CDH15: variants seen among roughly 807,000 people sequenced by gnomAD.
CDH15 encodes the protein cadherin 15, also known as cadherin-15.
Under a neutral mutation model 69.4 loss-of-function variants are expected in CDH15, and 73 were observed. That is an observed-to-expected ratio of 1.05 (90% CI 0.87 to 1.28). The LOEUF (loss-of-function observed/expected upper bound fraction) is 1.28, where lower values mean the gene tolerates loss of function less well. Ranked by LOEUF, CDH15 falls within the 50% of genes most tolerant of loss-of-function variation. The probability of loss-of-function intolerance (pLI) is 0.00; values close to 1 mark genes in which losing one functional copy is unlikely to be tolerated. For missense variants in CDH15, 1,343 were observed against 1,133.6 expected, an observed-to-expected ratio of 1.18 and a Z score of -2.65; for synonymous variants, 624 against 507.7, an observed-to-expected ratio of 1.23 and a Z score of -3.08.
intron 2 of CDH15, among the ~76,000 whole-genome samples, chr16:89,179,932 C>T (rs746640472): frequency 2.0e-5 from 3 of 152,224 alleles, no homozygotes; most frequent in Non-Finnish European, 4.4e-5. Flanking sequence ...CTCAGCTTCA[C>T]ATACCCAAAA....
intron 2 of CDH15, 25 bp from the exon 3 acceptor site, chr16:89,180,175 C>A (rs1453929730): frequency 6.2e-7 from 1 of 1,609,400 alleles, no homozygotes. Flanking sequence ...AGCAGCTCTC[C>A]CCAAACCCAT....
chr16:89,176,691 G>A (rs992948550), intron 1 of CDH15, among the ~76,000 whole-genome samples: 2 of 150,038 alleles, frequency 1.3e-5, no homozygotes, highest in African/African-American at 5.1e-5. Context: ...AAGGAGCTCA[G>A]GAGCAGGCCG....
Position 89,179,526 on chromosome 16 carries a change from G to A in CDH15, c.153G>A (p.Pro51=), listed in dbSNP as rs76549400. ...SRVRRAWVIP[P]ISVSENHKRL... ...TGCGGAGGGCCTGGGTCATCCCCCC[G>A]ATCAGCGTATCCGAGAACCACAAGC... Residue 51 remains proline, a synonymous_variant, in exon 2 of 14, where the codon CCG becomes CCA. Coordinates refer to ENST00000289746, the MANE Select transcript of CDH15 (RefSeq NM_004933.3). 3.3e-3 allele frequency: 5,260 copies of A among 1,612,142 alleles called. 150 individuals carry two copies. In the African/African-American group the frequency reaches 0.061, roughly 19 times the overall value.
chr16:89,173,845 G>C (rs918203295), intron 1 of CDH15, among the ~76,000 whole-genome samples: 3 of 152,210 alleles, frequency 2.0e-5, no homozygotes, highest in Non-Finnish European at 4.4e-5. Flanking sequence ...ACCATCCCTA[G>C]TTGCTGGTTC....
intron 8 of CDH15, 130 bp from the exon 9 acceptor site, chr16:89,191,200 A>C (rs1915632129): frequency 9.9e-7 from 1 of 1,006,744 alleles, no homozygotes; most frequent in East Asian, 2.5e-5. Flanking sequence ...TGTTGTGTGC[A>C]TGTGTGCATG....
intron 6 of CDH15, 121 bp from the exon 7 acceptor site, chr16:89,187,979 G>C (rs1165316613): frequency 2.3e-6 from 2 of 873,854 alleles, no homozygotes; most frequent in Non-Finnish European, 3.5e-6. Context: ...GCAAGGGAGG[G>C]TGTTCCTGCT....
At chr16:89,188,465 G>C (rs1313994960) in intron 7 of CDH15, among the ~76,000 whole-genome samples, 180 bp downstream of exon 7, 14 of 127,696 alleles carry the variant, frequency 1.1e-4, no homozygotes, top group South Asian at 2.7e-4. Flanking sequence ...GGCACACACA[G>C]ATGCCCACAC....
At chr16:89,175,906 G>C (rs868707454) in intron 1 of CDH15, among the ~76,000 whole-genome samples, 5 of 152,264 alleles carry the variant, frequency 3.3e-5, no homozygotes, top group African/African-American at 1.2e-4. Flanking sequence ...CGAGGACCAA[G>C]AACCCCAGGG....
At chr16:89,178,706 T>C (rs953573266) in intron 1 of CDH15, among the ~76,000 whole-genome samples, 2 of 152,182 alleles carry the variant, frequency 1.3e-5, no homozygotes, top group Non-Finnish European at 1.5e-5. Context: ...CACAGTCCAG[T>C]TGGGGGCCGC....
In CDH15 at chr16:89,191,789, G is replaced by A. The variant is rs1915649248; in HGVS notation, c.1510G>A (p.Gly504Ser). ...ACACCAAGGCCCAGGCCTCCTCCTG[G>A]GCGCCACGGATGAGGACCTGCCCCC... ...EPHQGPGLLL[G>S]ATDEDLPPHG... The change falls in exon 10 of 14, where the codon GGC becomes AGC. Residue 504 changes from glycine (G) to serine (S), a missense_variant. Physicochemically the swap from Gly to Ser is moderately conservative, Grantham distance 56 (BLOSUM62 0). Coordinates refer to ENST00000289746, the MANE Select transcript of CDH15 (RefSeq NM_004933.3). The A allele has an allele frequency of 2.5e-6, 4 of 1,606,136 alleles. No homozygotes were observed. The highest frequency in any genetic ancestry group is 3.4e-6 in the Non-Finnish European group (4 of 1,179,498).
rs1399460063 is a variant in CDH15, at chr16:89,190,303, C to G, written c.1039C>G (p.Pro347Ala). ...ELKVSVQNEA[P>A]LQAAALRAER... Reference sequence around the variant, plus strand: ...CAAAGTGTCGGTGCAGAATGAGGCCCCGCTGCAGGCGGCTGCCCTTAGGGC... The same window carrying G: ...CAAAGTGTCGGTGCAGAATGAGGCCGCGCTGCAGGCGGCTGCCCTTAGGGC... Residue 347 changes from proline to alanine, a missense_variant, in exon 8 of 14, where the codon CCG becomes GCG. By Grantham distance (27) the Pro-to-Ala change is conservative (BLOSUM62 -1). Coordinates refer to ENST00000289746, the MANE Select transcript of CDH15 (RefSeq NM_004933.3). The G allele has an allele frequency of 6.2e-7, 1 of 1,612,604 alleles. No homozygotes were observed.
At position 89,174,490 on chromosome 16, in the gene CDH15, C is replaced by T. The variant is rs548014251; in HGVS notation, c.42+2617C>T. Among the ~76,000 whole-genome samples the T allele has an allele frequency of 6.7e-4, 102 of 152,360 alleles. 1 individual carries two copies. Among genetic ancestry groups the T allele is most frequent in the African/African-American group, 2.4e-3 (98 of 41,586 alleles). On this transcript the variant is annotated intron_variant, in intron 1 of 13. Transcript: ENST00000289746. The stretch of plus-strand genomic sequence containing the variant: ...GTCTCGCAGTGGTGTTCGTAAACCC[C>T]ATTCCCACCTCGCAGTGGTGTTTGT...
intron 1 of CDH15, among the ~76,000 whole-genome samples, chr16:89,175,137 G>T (rs991708786): frequency 3.3e-5 from 5 of 152,188 alleles, no homozygotes; most frequent in African/African-American, 9.7e-5. Flanking sequence ...CTGTGGACAG[G>T]CCTGGGCCCA....
At chr16:89,180,413 GCCC>G in intron 3 of CDH15, 58 bp downstream of exon 3, 1 of 1,564,660 alleles carries the variant, frequency 6.4e-7, no homozygotes, top group Non-Finnish European at 8.7e-7. Flanking sequence ...GAAAGCCAGT[GCCC>G]CTCCTCCCCA....
chr16:89,183,387 C>G, intron 3 of CDH15, 161 bp from the exon 4 acceptor site: 1 of 773,114 alleles, frequency 1.3e-6, no homozygotes. Flanking sequence ...CGTCCTCAGT[C>G]ACTGTGACAG....
At chr16:89,192,471 G>C in intron 11 of CDH15, 27 bp downstream of exon 11, 1 of 1,555,154 alleles carries the variant, frequency 6.4e-7, no homozygotes, top group Non-Finnish European at 8.6e-7. Context: ...CCTCCACCTG[G>C]ACCCTCGGAC....
chr16:89,172,435 C>T lies in CDH15; in HGVS notation c.42+562C>T, dbSNP rs545372474. On this transcript the variant is annotated intron_variant, in intron 1 of 13. Coordinates refer to ENST00000289746, the MANE Select transcript of CDH15 (RefSeq NM_004933.3). ...TGGGAGGGCCCAGCCCGAGCCAGGT[C>T]GCAACACACGGCCTTGCAGAGTGGC... 5.3e-5 allele frequency among the ~76,000 whole-genome samples: 8 copies of T among 152,288 alleles called. No individual in the cohort carries two copies. The East Asian group carries it at 9.6e-4, about 18-fold the overall frequency.
In CDH15 at chr16:89,195,333, C is replaced by T. The variant is rs1915782379; in HGVS notation, c.*178C>T. On this transcript the variant is annotated 3_prime_UTR_variant, in exon 14 of 14. Coordinates refer to ENST00000289746, the MANE Select transcript of CDH15 (RefSeq NM_004933.3). ...GTGGATGGGGCGGCCAGGAAGAGGC[C>T]CCTTCCTGCCGGGGTGGGAAGAGTT... 2 of 643,098 alleles carry T rather than the reference C, an allele frequency of 3.1e-6. No individual in the cohort carries two copies. The highest frequency in any genetic ancestry group is 2.2e-5 in the South Asian group (1 of 45,634). 39.8% of individuals were successfully genotyped at this position (643,098 alleles called of 1,614,324 possible).
chr16:89,189,329 G>GCGCACACAGATGCC (rs1915585698), intron 7 of CDH15, among the ~76,000 whole-genome samples: 4 of 83,372 alleles, frequency 4.8e-5, no homozygotes, highest in African/African-American at 1.9e-4. Context: ...ACACATGCCG[G>GCGCACACAGATGCC]CACACACAGA....
Sources: gnomAD v4.1 joint callset for allele counts (sites outside exome capture counted in the v4.1 genomes callset) on GRCh38, gnomAD v4.1.1 for gene constraint, MANE v1.5 for transcripts, NCBI Gene and HGNC (gene_info 2026-07-23, HGNC 2026-07-21) for gene names.